Variants in ASTN2 observed in about 807,000 individuals in gnomAD.
ASTN2 encodes astrotactin-2.
A neutral mutation model predicts 139.8 loss-of-function variants in ASTN2; 54 were observed. That is an observed-to-expected ratio of 0.39 (90% CI 0.31 to 0.48). ASTN2 has a LOEUF of 0.48. Among genes scored for constraint, ASTN2 ranks in the 20% least tolerant of loss-of-function variants. ASTN2 has a pLI of 0.95. For synonymous variants in ASTN2, 756 were observed against 719.5 expected, an observed-to-expected ratio of 1.05 and a Z score of -0.81; for missense variants, 1,565 against 1,725.1, an observed-to-expected ratio of 0.91 and a Z score of 1.64.
At position 116,949,053 on chromosome 9, in the gene ASTN2, T is replaced by C. The variant is rs573526049; in HGVS notation, c.1889+26155A>G. Among the ~76,000 whole-genome samples the C allele has an allele frequency of 1.7e-4, 26 of 152,156 alleles. No homozygotes were observed. In the South Asian group the frequency reaches 5.4e-3, roughly 32 times the overall value. ...ATCTGCCCACCTCGGCCTCCCAAAGTGCTGAGATTACAGGCATGAGCCACC... is the reference window on the plus strand; with the variant it reads ...ATCTGCCCACCTCGGCCTCCCAAAGCGCTGAGATTACAGGCATGAGCCACC... On this transcript the variant is annotated intron_variant, in intron 10 of 22. Transcript: ENST00000313400.
chr9:117,363,116 C>A (rs1192379807), intron 1 of ASTN2, among the ~76,000 whole-genome samples: 1 of 152,140 alleles, frequency 6.6e-6, no homozygotes, highest in East Asian at 1.9e-4. Context: ...CCTGCCCACA[C>A]CCTTCATTAA....
At chr9:116,503,724 AAT>A (rs1411585135) in intron 19 of ASTN2, among the ~76,000 whole-genome samples, 1 of 152,120 alleles carries the variant, frequency 6.6e-6, no homozygotes. Context: ...ATACATACTT[AAT>A]ATATATATGA....
chr9:116,609,028 T>A (rs918254911), intron 19 of ASTN2, among the ~76,000 whole-genome samples: 2 of 151,670 alleles, frequency 1.3e-5, no homozygotes, highest in African/African-American at 4.8e-5. Context: ...CTAGAAACTA[T>A]CCAAAATGGA....
chr9:116,879,267 A>C (rs1221639074), intron 10 of ASTN2, among the ~76,000 whole-genome samples: 1 of 152,158 alleles, frequency 6.6e-6, no homozygotes, highest in Non-Finnish European at 1.5e-5. Context: ...GTGGCTTCCC[A>C]AAAAGACTGA....
chr9:116,924,155 T>A (rs1446851119), intron 10 of ASTN2, among the ~76,000 whole-genome samples: 1 of 151,914 alleles, frequency 6.6e-6, no homozygotes, highest in Non-Finnish European at 1.5e-5. Context: ...AAGCCTATAA[T>A]CCCAGCACTT....
chr9:117,181,164 A>G lies in ASTN2; in HGVS notation c.1015+33194T>C, dbSNP rs1324935406. 5 of 712,302 alleles carry G rather than the reference A, an allele frequency of 7.0e-6. No homozygotes were observed. The Admixed American group carries it at 1.0e-4, about 14-fold the overall frequency. The allele number at this position is 712,302 out of a possible 1,614,324, so 44.1% of individuals were successfully genotyped here. ...TGCAGCCATTGCACAATGGGCCCCC[A>G]TGAGGAAAGGAACCCAGTTGGCTTA... On this transcript the variant is annotated intron_variant, in intron 3 of 22. Transcript: ENST00000313400.
At chr9:116,906,650 G>C (rs1283434184) in intron 10 of ASTN2, among the ~76,000 whole-genome samples, 4 of 138,892 alleles carry the variant, frequency 2.9e-5, no homozygotes, top group Non-Finnish European at 4.7e-5. Context: ...CAGCTTCTAG[G>C]AGACAGCTTC....
rs185239483 is a variant in ASTN2 at position 116,704,899 on chromosome 9, A to G, written c.2806+20872T>C. ...AGATTTTATATATATATGCACTAAT[A>G]TGTAGTACATACATCTAAGTATATA... On this transcript the variant is annotated intron_variant, in intron 16 of 22. Transcript: ENST00000313400. 6.0e-3 allele frequency among the ~76,000 whole-genome samples: 909 copies of G among 152,344 alleles called. 12 individuals are homozygous for G. The highest frequency in any genetic ancestry group is 0.021 in the African/African-American group (877 of 41,592).
intron 19 of ASTN2, among the ~76,000 whole-genome samples, chr9:116,522,733 G>A (rs146068975): frequency 8.7e-4 from 133 of 152,184 alleles, no homozygotes; most frequent in African/African-American, 3.1e-3. Context: ...TGTCAGCAGA[G>A]GATAAGTAGA....
At chr9:117,295,532 A>G (rs1282098649) in intron 1 of ASTN2, among the ~76,000 whole-genome samples, 1 of 152,094 alleles carries the variant, frequency 6.6e-6, no homozygotes, top group Non-Finnish European at 1.5e-5. Flanking sequence ...TGAGTTACAT[A>G]CATATATGTA....
At chr9:116,541,414 A>T (rs1397036888) in intron 19 of ASTN2, among the ~76,000 whole-genome samples, 1 of 152,186 alleles carries the variant, frequency 6.6e-6, no homozygotes, top group Non-Finnish European at 1.5e-5. Flanking sequence ...AGTTCTACCC[A>T]ACCTATAATG....
chr9:117,255,648 G>A (rs1169804834), intron 2 of ASTN2, among the ~76,000 whole-genome samples: 3 of 152,226 alleles, frequency 2.0e-5, no homozygotes, highest in African/African-American at 7.2e-5. Context: ...ACAGAATGGT[G>A]TGAGAAAAGT....
intron 11 of ASTN2, among the ~76,000 whole-genome samples, chr9:116,823,092 A>G (rs1360085947): frequency 6.6e-6 from 1 of 152,226 alleles, no homozygotes; most frequent in Non-Finnish European, 1.5e-5. Context: ...GAGCACCACC[A>G]GAAATCAAAT....
chr9:116,498,449 A>G (rs1849743018), intron 19 of ASTN2, among the ~76,000 whole-genome samples: 1 of 150,202 alleles, frequency 6.7e-6, no homozygotes. Context: ...AAAACAAAAA[A>G]CAGCCAGGTG....
intron 13 of ASTN2, among the ~76,000 whole-genome samples, chr9:116,788,483 C>T (rs1037747987): frequency 2.0e-5 from 3 of 151,874 alleles, no homozygotes; most frequent in Admixed American, 6.6e-5. Flanking sequence ...AAAAATAACC[C>T]TATCTGAGTG....
intron 13 of ASTN2, among the ~76,000 whole-genome samples, chr9:116,765,585 G>C (rs1205370031): frequency 3.3e-5 from 5 of 152,122 alleles, no homozygotes; most frequent in East Asian, 1.9e-4. Context: ...CATAGTTTAC[G>C]ATAGTCAAAA....
At chr9:116,451,998 C>T (rs909516414) in intron 20 of ASTN2, among the ~76,000 whole-genome samples, 1 of 152,092 alleles carries the variant, frequency 6.6e-6, no homozygotes, top group Non-Finnish European at 1.5e-5. Flanking sequence ...TCTTTTCCTC[C>T]TCCTTCTCTT....
At chr9:117,017,656 G>T (rs1345730772) in intron 6 of ASTN2, among the ~76,000 whole-genome samples, 1 of 152,130 alleles carries the variant, frequency 6.6e-6, no homozygotes, top group Non-Finnish European at 1.5e-5. Flanking sequence ...ATTTCCTATG[G>T]ATAGTAAAGT....
At chr9:117,385,218 G>A (rs932567169) in intron 1 of ASTN2, among the ~76,000 whole-genome samples, 1 of 152,036 alleles carries the variant, frequency 6.6e-6, no homozygotes, top group Non-Finnish European at 1.5e-5. Flanking sequence ...TCGAACTCCT[G>A]GCCTCAAGTG....
Sources: gnomAD v4.1 joint callset for allele counts (sites outside exome capture counted in the v4.1 genomes callset) on GRCh38, gnomAD v4.1.1 for gene constraint, MANE v1.5 for transcripts, NCBI Gene and HGNC (gene_info 2026-07-23, HGNC 2026-07-21) for gene names.